CDC42BPB: variants seen among roughly 807,000 people sequenced by gnomAD.
CDC42BPB encodes the protein serine/threonine-protein kinase MRCK beta.
Under a neutral mutation model 214.9 loss-of-function variants are expected in CDC42BPB, and 37 were observed. That is an observed-to-expected ratio of 0.17 (90% CI 0.13 to 0.23). The LOEUF (loss-of-function observed/expected upper bound fraction) is 0.23. CDC42BPB is among the 10% of genes least tolerant of loss of function. CDC42BPB has a pLI of 1.00. For synonymous variants in CDC42BPB, 931 were observed against 884.0 expected (o/e 1.05, Z -0.94); for missense variants, 1,694 against 2,227.0 (o/e 0.76, Z 4.82).
chr14:103,051,660 A>G (rs1056095549), intron 1 of CDC42BPB, among the ~76,000 whole-genome samples: 4 of 152,260 alleles, frequency 2.6e-5, no homozygotes, highest in African/African-American at 9.6e-5. Context: ...TCTGTAATTT[A>G]CATGCATTTG....
chr14:103,041,576 C>A, intron 1 of CDC42BPB: 4 of 1,147,506 alleles, frequency 3.5e-6, no homozygotes, highest in Middle Eastern at 2.7e-4. Flanking sequence ...AGATGCAAGG[C>A]CGGGCAAGCT....
rs779716814 is a variant in CDC42BPB at position 102,967,035 on chromosome 14, C to T, written c.2471+11G>A. The T allele has an allele frequency of 2.0e-5, 32 of 1,612,756 alleles. No individual in the cohort carries two copies. The highest frequency in any genetic ancestry group is 1.8e-4 in the Middle Eastern group (1 of 5,424). On this transcript the variant is annotated intron_variant, in intron 17 of 36. Coordinates refer to ENST00000361246, the MANE Select transcript of CDC42BPB (RefSeq NM_006035.4). ...GCGGATTCACGGCCGCTAATGGGGC[C>T]GCGCACGTACCACTGAATGATTTCC...
At chr14:103,047,528 T>C (rs1888362408) in intron 1 of CDC42BPB, among the ~76,000 whole-genome samples, 1 of 152,180 alleles carries the variant, frequency 6.6e-6, no homozygotes, top group Non-Finnish European at 1.5e-5. Flanking sequence ...AATGCCTCCA[T>C]GCTTTCAAAC....
chr14:103,047,701 C>T (rs1358178518), intron 1 of CDC42BPB, among the ~76,000 whole-genome samples: 1 of 152,074 alleles, frequency 6.6e-6, no homozygotes, highest in Non-Finnish European at 1.5e-5. Context: ...CTCAGGAGTT[C>T]GAGACCAGTC....
At chr14:102,996,395 A>G (rs1223639446) in intron 5 of CDC42BPB, among the ~76,000 whole-genome samples, 1 of 152,170 alleles carries the variant, frequency 6.6e-6, no homozygotes, top group Non-Finnish European at 1.5e-5. Flanking sequence ...GGGGAGAAAA[A>G]CAATTTAAAA....
Position 102,938,091 on chromosome 14 carries a change from G to T in CDC42BPB, c.5004+13C>A. 6.2e-7 allele frequency: 1 copy of T among 1,613,394 alleles called. No homozygotes were observed. The highest frequency in any genetic ancestry group is 8.5e-7 in the Non-Finnish European group (1 of 1,179,642). On this transcript the variant is annotated intron_variant, in intron 36 of 36. Coordinates refer to ENST00000361246, the MANE Select transcript of CDC42BPB (RefSeq NM_006035.4). The stretch of plus-strand genomic sequence containing the variant: ...GGCTCATAGCCTCAGCACTGGACCT[G>T]GGCAAGTCTCACCTCTTTGTCAAAG...
chr14:102,966,245 T>C, intron 18 of CDC42BPB, 37 bp downstream of exon 18: 1 of 1,423,248 alleles, frequency 7.0e-7, no homozygotes, highest in Non-Finnish European at 9.9e-7. Flanking sequence ...TAGCGAATTA[T>C]TCAGTAATAG....
rs367735585 is a variant in CDC42BPB, at chr14:103,041,439, T to C, written c.175+15560A>G. ...AACAACAAAAAATATTTAAATTTGTTTTCCTGCACAGAAGGGGCTCTAGGC... is the reference window on the plus strand; with the variant it reads ...AACAACAAAAAATATTTAAATTTGTCTTCCTGCACAGAAGGGGCTCTAGGC... On this transcript the variant is annotated intron_variant, in intron 1 of 36. Coordinates refer to ENST00000361246, the MANE Select transcript of CDC42BPB (RefSeq NM_006035.4). 1.0e-4 allele frequency: 86 copies of C among 825,476 alleles called. No individual in the cohort carries two copies. In the African/African-American group the frequency reaches 1.4e-3, roughly 13 times the overall value. The allele number at this position is 825,476 out of a possible 1,614,324, so 51.1% of individuals were successfully genotyped here.
rs367704549 is a variant in CDC42BPB at position 102,935,484 on chromosome 14, A to C, written c.5005-1641T>G. 2.0e-4 allele frequency among the ~76,000 whole-genome samples: 30 copies of C among 152,342 alleles called. 1 individual carries two copies. In the East Asian group the frequency reaches 4.2e-3, roughly 22 times the overall value. ...ACACATCTCATGTTCGTGGAGTAAA[A>C]ATATTGTTAAGATGGCTGTACTAGG... On this transcript the variant is annotated intron_variant, in intron 36 of 36. Transcript: ENST00000361246.
intron 24 of CDC42BPB, chr14:102,950,825 G>A: frequency 3.4e-6 from 1 of 293,026 alleles, no homozygotes; most frequent in Non-Finnish European, 5.1e-6. Context: ...AATTAGCCAG[G>A]GGTGGTGAAG....
chr14:102,960,740 A>G (rs144110071), intron 20 of CDC42BPB, among the ~76,000 whole-genome samples: 1 of 152,338 alleles, frequency 6.6e-6, no homozygotes, highest in African/African-American at 2.4e-5. Flanking sequence ...GTCATACATA[A>G]AACCAGCAGG....
At position 102,999,723 on chromosome 14, in the gene CDC42BPB, G is replaced by A; in HGVS notation, c.448-10C>T. The A allele has an allele frequency of 1.9e-6, 3 of 1,613,994 alleles. No individual in the cohort carries two copies. The highest frequency in any genetic ancestry group is 2.5e-6 in the Non-Finnish European group (3 of 1,179,936). On this transcript the variant is annotated splice_polypyrimidine_tract_variant and intron_variant, in intron 4 of 36. Transcript: ENST00000361246. ...AATCCATGACTAAGTACTACAAATT[G>A]GAAAGAGAAGGGGAGAGAATACCAC...
intron 1 of CDC42BPB, among the ~76,000 whole-genome samples, chr14:103,020,449 G>A (rs1297896807): frequency 6.6e-6 from 1 of 152,226 alleles, no homozygotes; most frequent in Non-Finnish European, 1.5e-5. Context: ...GCTGGAGCGC[G>A]GGGGCAGCTG....
Position 102,939,967 on chromosome 14 carries a change from G to C in CDC42BPB, c.4592-20C>G. The stretch of plus-strand genomic sequence containing the variant: ...CCGCTCCTGCAGAAGCAGAGCGCGC[G>C]GTGACGGTGCTGCGGCACCAGGGAC... On this transcript the variant is annotated intron_variant, in intron 32 of 36. Coordinates refer to ENST00000361246, the MANE Select transcript of CDC42BPB (RefSeq NM_006035.4). The C allele has an allele frequency of 6.2e-7, 1 of 1,613,776 alleles. No homozygotes were observed. Among genetic ancestry groups the C allele is most frequent in the Non-Finnish European group, 8.5e-7 (1 of 1,179,984 alleles).
chr14:102,942,493 G>T lies in CDC42BPB; in HGVS notation c.4408+1398C>A, dbSNP rs150403754. ...CCTCCCGGCCTCCTCTTGATCTGTG[G>T]ATTTGATGGTGCAGGCCACTCTGAT... On this transcript the variant is annotated intron_variant, in intron 30 of 36. Transcript: ENST00000361246. 4.1e-4 allele frequency among the ~76,000 whole-genome samples: 63 copies of T among 152,324 alleles called. No individual in the cohort carries two copies. The East Asian group carries it at 0.011, about 27-fold the overall frequency.
chr14:102,938,998 G>A (rs952533206), intron 34 of CDC42BPB, among the ~76,000 whole-genome samples: 7 of 150,080 alleles, frequency 4.7e-5, no homozygotes, highest in Admixed American at 4.6e-4. Flanking sequence ...GTGCAGTGGT[G>A]CAATCTCGGC....
At position 102,983,786 on chromosome 14, in the gene CDC42BPB, C is replaced by T. The variant is rs553785673; in HGVS notation, c.691-30G>A. ...GGGGAGAAGGAGGTGCTGAAGGAAA[C>T]CCTAGGGCATCTCCAATCACATATT... On this transcript the variant is annotated intron_variant, in intron 6 of 36. Coordinates refer to ENST00000361246, the MANE Select transcript of CDC42BPB (RefSeq NM_006035.4). 31 of 1,599,532 alleles carry T rather than the reference C, an allele frequency of 1.9e-5. 2 individuals are homozygous for T. Among genetic ancestry groups the T allele is most frequent in the African/African-American group, 1.6e-4 (12 of 74,794 alleles).
At chr14:102,968,938 G>A (rs1893347206) in intron 14 of CDC42BPB, 37 of 973,692 alleles carry the variant, frequency 3.8e-5, no homozygotes, top group Non-Finnish European at 4.5e-5. Context: ...GTCTGCCTGG[G>A]ACCCCCGAAG....
At chr14:103,002,358 CA>C (rs1895027783) in intron 4 of CDC42BPB, among the ~76,000 whole-genome samples, 1 of 152,234 alleles carries the variant, frequency 6.6e-6, no homozygotes, top group Non-Finnish European at 1.5e-5. Flanking sequence ...ATCTCAAGAA[CA>C]TGGAATCTTC....
Sources: allele counts gnomAD v4.1 joint callset (sites outside exome capture counted in the v4.1 genomes callset), GRCh38; gene constraint gnomAD v4.1.1; transcripts MANE v1.5; gene names NCBI Gene and HGNC (gene_info 2026-07-23, HGNC 2026-07-21).